CACNG2: variants seen among roughly 807,000 people sequenced by gnomAD.
The protein encoded by CACNG2 is calcium voltage-gated channel auxiliary subunit gamma 2, also known as voltage-dependent calcium channel gamma-2 subunit.
CACNG2 carries 3 observed loss-of-function variants against 25.9 expected under a neutral mutation model. That is an observed-to-expected ratio of 0.12 (90% CI 0.05 to 0.30). CACNG2 has a LOEUF of 0.30. Among genes scored for constraint, CACNG2 ranks in the 10% least tolerant of loss-of-function variants. The pLI, the probability that CACNG2 is intolerant of heterozygous loss-of-function variation, is 1.00. For synonymous variants in CACNG2, 167 were observed against 173.3 expected (o/e 0.96, Z 0.29); for missense variants, 341 against 432.5 (o/e 0.79, Z 1.88).
At chr22:36,636,348 C>T (rs370097404) in intron 1 of CACNG2, among the ~76,000 whole-genome samples, 105 of 152,242 alleles carry the variant, frequency 6.9e-4, no homozygotes, top group South Asian at 1.2e-3. Flanking sequence ...ACATGCCATC[C>T]GTTTCTCATA....
intron 1 of CACNG2, among the ~76,000 whole-genome samples, chr22:36,627,894 A>G (rs1040600506): frequency 4.6e-5 from 7 of 151,988 alleles, no homozygotes; most frequent in African/African-American, 1.7e-4. Flanking sequence ...TTTTAAGGCT[A>G]ACAAAATATG....
At chr22:36,578,212 A>C (rs573941103) in intron 2 of CACNG2, among the ~76,000 whole-genome samples, 39 of 152,094 alleles carry the variant, frequency 2.6e-4, no homozygotes, top group African/African-American at 9.2e-4. Context: ...AAAAAAATAC[A>C]AAAAATTAGC....
chr22:36,585,495 G>T (rs534471817), intron 2 of CACNG2: 2 of 152,188 alleles, frequency 1.3e-5, no homozygotes, highest in Non-Finnish European at 2.9e-5. Context: ...TAGACCAGGG[G>T]TCAGCAAACT....
At chr22:36,600,995 G>A (rs1935747055) in intron 1 of CACNG2, among the ~76,000 whole-genome samples, 1 of 152,118 alleles carries the variant, frequency 6.6e-6, no homozygotes, top group Admixed American at 6.5e-5. Flanking sequence ...TTCCCTGTGT[G>A]CCAGGAGCAG....
At chr22:36,677,509 T>A (rs1425108980) in intron 1 of CACNG2, among the ~76,000 whole-genome samples, 1 of 152,190 alleles carries the variant, frequency 6.6e-6, no homozygotes. Flanking sequence ...TATTACAAGC[T>A]TATCTCATTA....
At chr22:36,642,987 T>C (rs1288719255) in intron 1 of CACNG2, among the ~76,000 whole-genome samples, 2 of 150,856 alleles carry the variant, frequency 1.3e-5, no homozygotes, top group Non-Finnish European at 3.0e-5. Flanking sequence ...GCAAGAGAGG[T>C]CTTTCCTTCC....
chr22:36,675,126 T>A (rs1182474968), intron 1 of CACNG2, among the ~76,000 whole-genome samples: 6 of 152,174 alleles, frequency 3.9e-5, no homozygotes, highest in Non-Finnish European at 8.8e-5. Context: ...AACCTCAACC[T>A]CTCAGGCTCA....
chr22:36,690,136 C>T (rs62228799), intron 1 of CACNG2, among the ~76,000 whole-genome samples: 7,190 of 152,308 alleles, frequency 0.047, 244 homozygotes, highest in Non-Finnish European at 0.069. Flanking sequence ...TCTAATTTGC[C>T]ATAGGCGTAG....
rs1603500059 is a variant in CACNG2 at position 36,562,834 on chromosome 22, A to T, written c.*1517T>A. On this transcript the variant is annotated 3_prime_UTR_variant, in exon 4 of 4. Coordinates refer to ENST00000300105, the MANE Select transcript of CACNG2 (RefSeq NM_006078.5). The stretch of plus-strand genomic sequence containing the variant: ...AGGAAGCCACCTTTCCATCACAGAG[A>T]CCCCCTGCAGCTCACTGGGACCTTC... The T allele has an allele frequency of 6.6e-6, 1 of 151,478 alleles. No homozygotes were observed. Among genetic ancestry groups the T allele is most frequent in the African/African-American group, 2.4e-5 (1 of 41,142 alleles). The allele number at this position is 151,478 out of a possible 1,614,324, so 9.4% of individuals were successfully genotyped here.
chr22:36,700,646 A>C (rs1476796688), intron 1 of CACNG2, among the ~76,000 whole-genome samples: 1 of 152,216 alleles, frequency 6.6e-6, no homozygotes, highest in African/African-American at 2.4e-5. Flanking sequence ...AAGTCTTTCC[A>C]CTGTTAATGA....
intron 1 of CACNG2, among the ~76,000 whole-genome samples, chr22:36,671,973 C>T (rs768969658): frequency 1.8e-4 from 27 of 152,104 alleles, no homozygotes; most frequent in East Asian, 1.5e-3. Context: ...ACAGGTAAGA[C>T]GGGTAACTTT....
rs76293428 is a variant in CACNG2 at position 36,596,290 on chromosome 22, T to G, written c.212-8742A>C. 5.5e-3 allele frequency among the ~76,000 whole-genome samples: 830 copies of G among 152,254 alleles called. 10 individuals are homozygous for G. The highest frequency in any genetic ancestry group is 0.019 in the African/African-American group (808 of 41,550). On this transcript the variant is annotated intron_variant, in intron 1 of 3. Transcript: ENST00000300105. Reference sequence around the variant, plus strand: ...GCAATACCTCCCTGACGGCAGGGATTCGGGAGGCCTCAGGGAGGGTGGGCC... The same window carrying G: ...GCAATACCTCCCTGACGGCAGGGATGCGGGAGGCCTCAGGGAGGGTGGGCC...
At chr22:36,672,655 G>A (rs905882259) in intron 1 of CACNG2, among the ~76,000 whole-genome samples, 1 of 152,168 alleles carries the variant, frequency 6.6e-6, no homozygotes, top group African/African-American at 2.4e-5. Context: ...CTCAGTTCAC[G>A]AGGTCCGTTC....
chr22:36,641,627 G>T (rs1034344554), intron 1 of CACNG2, among the ~76,000 whole-genome samples: 1 of 152,192 alleles, frequency 6.6e-6, no homozygotes, highest in Non-Finnish European at 1.5e-5. Flanking sequence ...TTTTGTCTCT[G>T]GCCAGCTCTG....
At chr22:36,595,775 T>C (rs1271674579) in intron 1 of CACNG2, among the ~76,000 whole-genome samples, 1 of 152,040 alleles carries the variant, frequency 6.6e-6, no homozygotes, top group Non-Finnish European at 1.5e-5. Flanking sequence ...CAACCATGAC[T>C]CTCCATGGAA....
At chr22:36,686,552 C>T (rs1190864016) in intron 1 of CACNG2, among the ~76,000 whole-genome samples, 1 of 152,158 alleles carries the variant, frequency 6.6e-6, no homozygotes, top group East Asian at 1.9e-4. Flanking sequence ...GGGATTCTAT[C>T]CACCCTCAAA....
intron 1 of CACNG2, among the ~76,000 whole-genome samples, chr22:36,610,641 C>T (rs986766733): frequency 6.6e-6 from 1 of 152,190 alleles, no homozygotes; most frequent in Non-Finnish European, 1.5e-5. Flanking sequence ...CCAAAGCCAG[C>T]CTGTCCACAG....
chr22:36,674,128 G>C (rs1386535041), intron 1 of CACNG2, among the ~76,000 whole-genome samples: 1 of 152,218 alleles, frequency 6.6e-6, no homozygotes, highest in Non-Finnish European at 1.5e-5. Flanking sequence ...CCTGCTGAAG[G>C]CTGCAGGATG....
chr22:36,625,946 A>C (rs989911624), intron 1 of CACNG2, among the ~76,000 whole-genome samples: 3 of 151,962 alleles, frequency 2.0e-5, no homozygotes, highest in Non-Finnish European at 4.4e-5. Flanking sequence ...TTGAGATGGA[A>C]TCTTACTCTG....
Sources: gnomAD v4.1 joint callset for allele counts (sites outside exome capture counted in the v4.1 genomes callset) on GRCh38, gnomAD v4.1.1 for gene constraint, MANE v1.5 for transcripts, NCBI Gene and HGNC (gene_info 2026-07-23, HGNC 2026-07-21) for gene names.